ADARB2: variants seen among roughly 807,000 people sequenced by gnomAD.
The protein encoded by ADARB2 is adenosine deaminase RNA specific B2 (inactive).
In ADARB2, 25 loss-of-function variants were observed where a neutral mutation model predicts 62.2. The ratio of observed to expected loss-of-function variants is 0.40; its 90% CI spans 0.29 to 0.56. ADARB2 has a LOEUF of 0.56. Ranked by LOEUF, ADARB2 falls within the 20% of genes least tolerant of loss-of-function variation. The probability of loss-of-function intolerance (pLI) is 0.43; values close to 1 mark genes in which losing one functional copy is unlikely to be tolerated. For missense variants in ADARB2, 1,071 were observed against 1,077.4 expected (o/e 0.99, Z 0.08); for synonymous variants, 572 against 500.8 (o/e 1.14, Z -1.90).
chr10:1,622,818 C>A (rs1370178431), intron 1 of ADARB2, among the ~76,000 whole-genome samples: 1 of 152,150 alleles, frequency 6.6e-6, no homozygotes, highest in Non-Finnish European at 1.5e-5. Flanking sequence ...AGTACTTCAG[C>A]ACCTAGGCAC....
chr10:1,244,981 C>G (rs1278182569), intron 4 of ADARB2, among the ~76,000 whole-genome samples: 1 of 152,170 alleles, frequency 6.6e-6, no homozygotes, highest in Non-Finnish European at 1.5e-5. Context: ...TTGAGTACCA[C>G]CCTGAAGATC....
At chr10:1,576,145 G>GCTCAGA (rs1833017185) in intron 1 of ADARB2, among the ~76,000 whole-genome samples, 2 of 27,294 alleles carry the variant, frequency 7.3e-5, no homozygotes, top group African/African-American at 2.7e-4. Flanking sequence ...ACAAGAGGGG[G>GCTCAGA]GTCCACGGTC....
At chr10:1,430,581 T>G (rs1001984157) in intron 1 of ADARB2, among the ~76,000 whole-genome samples, 1 of 152,004 alleles carries the variant, frequency 6.6e-6, no homozygotes, top group Non-Finnish European at 1.5e-5. Context: ...AAGTAGTAAT[T>G]AAAAAATCAG....
At chr10:1,635,538 C>T (rs1341113231) in intron 1 of ADARB2, among the ~76,000 whole-genome samples, 2 of 152,150 alleles carry the variant, frequency 1.3e-5, no homozygotes, top group African/African-American at 4.8e-5. Context: ...TTGAAATCTC[C>T]GGATGATGAA....
At chr10:1,277,448 A>G (rs547055810) in intron 3 of ADARB2, among the ~76,000 whole-genome samples, 82 of 152,342 alleles carry the variant, frequency 5.4e-4, no homozygotes, top group Admixed American at 8.5e-4. Flanking sequence ...CAGAAATACA[A>G]ACTACCATTA....
chr10:1,533,891 C>A (rs1832283743), intron 1 of ADARB2, among the ~76,000 whole-genome samples: 1 of 152,092 alleles, frequency 6.6e-6, no homozygotes, highest in South Asian at 2.1e-4. Context: ...CACACGCATT[C>A]CTAGAAGTGG....
chr10:1,668,094 C>T (rs909074052), intron 1 of ADARB2, among the ~76,000 whole-genome samples: 20 of 152,200 alleles, frequency 1.3e-4, no homozygotes, highest in African/African-American at 4.6e-4. Flanking sequence ...CACCCTCACC[C>T]TTAGTGATAT....
At chr10:1,647,487 G>A (rs1205557621) in intron 1 of ADARB2, among the ~76,000 whole-genome samples, 5 of 152,048 alleles carry the variant, frequency 3.3e-5, no homozygotes, top group Non-Finnish European at 5.9e-5. Flanking sequence ...GTATACTTGT[G>A]TATATACATG....
chr10:1,351,153 C>G (rs1468340546), intron 3 of ADARB2, among the ~76,000 whole-genome samples: 1 of 152,200 alleles, frequency 6.6e-6, no homozygotes, highest in Non-Finnish European at 1.5e-5. Flanking sequence ...ACTCCCAGAG[C>G]CCCTGGAACT....
At position 1,242,234 on chromosome 10, in the gene ADARB2, G is replaced by C; in HGVS notation, c.1258C>G (p.His420Asp). The C allele has an allele frequency of 6.3e-7, 1 of 1,598,424 alleles. No homozygotes were observed. Among genetic ancestry groups the C allele is most frequent in the Non-Finnish European group, 8.5e-7 (1 of 1,173,962 alleles). ...SSGTKCISGE[H>D]LSDQGLVVND... ...ACCACCAGCCCCTGGTCACTGAGGT[G>C]CTCGCCGCTGATGCACTTGGTCCCC... Residue 420 changes from histidine (H) to aspartate (D), a missense_variant, in exon 5 of 10, where the codon CAC (histidine) becomes GAC (aspartate). By Grantham distance (81) the His-to-Asp change is moderately conservative. Coordinates refer to ENST00000381312, the MANE Select transcript of ADARB2 (RefSeq NM_018702.4).
chr10:1,347,507 G>A (rs1014839428), intron 3 of ADARB2, among the ~76,000 whole-genome samples: 35 of 152,316 alleles, frequency 2.3e-4, no homozygotes, highest in African/African-American at 6.0e-4. Context: ...ACTGGCTCTG[G>A]AGACTAAGCT....
At chr10:1,287,818 G>T (rs10794734) in intron 3 of ADARB2, among the ~76,000 whole-genome samples, 1 of 152,160 alleles carries the variant, frequency 6.6e-6, no homozygotes, top group Non-Finnish European at 1.5e-5. Context: ...AGTGTGCTTT[G>T]GAGTTATGCC....
At chr10:1,494,339 G>A (rs901999565) in intron 1 of ADARB2, among the ~76,000 whole-genome samples, 4 of 152,106 alleles carry the variant, frequency 2.6e-5, no homozygotes, top group African/African-American at 9.7e-5. Flanking sequence ...GTCCTGTCTG[G>A]ATTTCTGTTC....
rs184031654 is a variant in ADARB2, at chr10:1,324,911, C to G, written c.1077+38117G>C. On this transcript the variant is annotated intron_variant, in intron 3 of 9. Transcript: ENST00000381312. ...TGAGCGAGCCAGGGGATTGTCAATGCCTGTCTGTCTGTGAGGCGTTGTGCT... is the reference window on the plus strand; with the variant it reads ...TGAGCGAGCCAGGGGATTGTCAATGGCTGTCTGTCTGTGAGGCGTTGTGCT... Among the ~76,000 whole-genome samples, 358 of 152,290 alleles carry G rather than the reference C, an allele frequency of 2.4e-3. 1 individual carries two copies. Among genetic ancestry groups the G allele is most frequent in the African/African-American group, 8.4e-3 (347 of 41,550 alleles).
chr10:1,557,743 C>T (rs908509475), intron 1 of ADARB2, among the ~76,000 whole-genome samples: 9 of 152,020 alleles, frequency 5.9e-5, no homozygotes, highest in Admixed American at 2.0e-4. Flanking sequence ...ATCTCTAATA[C>T]AAAATACACA....
chr10:1,420,259 T>C (rs577731348), intron 1 of ADARB2, among the ~76,000 whole-genome samples: 4 of 152,316 alleles, frequency 2.6e-5, no homozygotes, highest in South Asian at 2.1e-4. Flanking sequence ...GTGATTTTCA[T>C]GTTTGAGCAG....
chr10:1,378,198 T>A (rs1832451139), intron 2 of ADARB2, among the ~76,000 whole-genome samples: 1 of 152,176 alleles, frequency 6.6e-6, no homozygotes, highest in Non-Finnish European at 1.5e-5. Flanking sequence ...TCCTCACCCC[T>A]GCAGTCTGCT....
intron 1 of ADARB2, among the ~76,000 whole-genome samples, chr10:1,399,218 G>C (rs1832641566): frequency 6.6e-6 from 1 of 152,146 alleles, no homozygotes; most frequent in Non-Finnish European, 1.5e-5. Context: ...TGTTTTCTAA[G>C]AGGCTGAAGG....
intron 3 of ADARB2, among the ~76,000 whole-genome samples, chr10:1,327,005 C>A (rs34205377): frequency 0.025 from 132 of 5,316 alleles, 15 homozygotes; most frequent in East Asian, 0.13. Flanking sequence ...TCCCCACTGC[C>A]CAGCGCCTCC....
Sources: gnomAD v4.1 joint callset for allele counts (sites outside exome capture counted in the v4.1 genomes callset) on GRCh38, gnomAD v4.1.1 for gene constraint, MANE v1.5 for transcripts, NCBI Gene and HGNC (gene_info 2026-07-23, HGNC 2026-07-21) for gene names.